Variants in BMP5 observed in about 807,000 individuals in gnomAD.
BMP5 encodes the protein bone morphogenetic protein 5.
Under a neutral mutation model 46.6 loss-of-function variants are expected in BMP5, and 23 were observed. The ratio of observed to expected loss-of-function variants is 0.49; its 90% CI spans 0.35 to 0.70. The LOEUF (loss-of-function observed/expected upper bound fraction) is 0.70, where lower values mean the gene tolerates loss of function less well. BMP5 is among the 30% of genes least tolerant of loss of function. BMP5 has a pLI of 0.00. For synonymous variants in BMP5, 204 were observed against 191.9 expected, an observed-to-expected ratio of 1.06 and a Z score of -0.52; for missense variants, 545 against 565.6, an observed-to-expected ratio of 0.96 and a Z score of 0.37.
chr6:55,788,713 T>C (rs895826455), intron 3 of BMP5, among the ~76,000 whole-genome samples: 2 of 151,896 alleles, frequency 1.3e-5, no homozygotes, highest in Non-Finnish European at 3.0e-5. Flanking sequence ...CTCATTTTAT[T>C]GATGCAATGC....
At chr6:55,762,837 T>C (rs769577840) in intron 4 of BMP5, among the ~76,000 whole-genome samples, 12 of 152,088 alleles carry the variant, frequency 7.9e-5, no homozygotes, top group Non-Finnish European at 1.6e-4. Flanking sequence ...TGATAGTAAA[T>C]ATGTTGGGCT....
chr6:55,782,289 A>G (rs1385615910), intron 3 of BMP5, among the ~76,000 whole-genome samples: 1 of 152,284 alleles, frequency 6.6e-6, no homozygotes, highest in East Asian at 1.9e-4. Context: ...GTAAATTTAA[A>G]AATGTGGAGT....
intron 1 of BMP5, among the ~76,000 whole-genome samples, chr6:55,825,627 A>G (rs576997972): frequency 6.6e-6 from 1 of 151,936 alleles, no homozygotes; most frequent in African/African-American, 2.4e-5. Flanking sequence ...CCTCCCAAGC[A>G]GATATCTCTC....
At chr6:55,812,785 AT>A (rs1776166149) in intron 2 of BMP5, among the ~76,000 whole-genome samples, 1 of 152,238 alleles carries the variant, frequency 6.6e-6, no homozygotes, top group South Asian at 2.1e-4. Flanking sequence ...TAAGAAGTAT[AT>A]GAAGCCACAA....
intron 1 of BMP5, among the ~76,000 whole-genome samples, chr6:55,834,531 T>C (rs970261386): frequency 2.0e-5 from 3 of 152,110 alleles, no homozygotes; most frequent in African/African-American, 7.2e-5. Context: ...TTTGTTTGTT[T>C]GTTTGTCTTT....
intron 3 of BMP5, among the ~76,000 whole-genome samples, chr6:55,784,654 T>A (rs1775404447): frequency 6.6e-6 from 1 of 151,776 alleles, no homozygotes; most frequent in Non-Finnish European, 1.5e-5. Flanking sequence ...AAAAGGTTGA[T>A]TTAGAAAATA....
chr6:55,808,937 A>G (rs978463685), intron 2 of BMP5, among the ~76,000 whole-genome samples: 35 of 152,192 alleles, frequency 2.3e-4, no homozygotes, highest in Non-Finnish European at 4.3e-4. Flanking sequence ...GATACTTTAA[A>G]GAGCCACACT....
In BMP5 at chr6:55,757,863, A is replaced by T. The variant is rs374264917; in HGVS notation, c.1215+1142T>A. Among the ~76,000 whole-genome samples, 5 of 151,944 alleles carry T rather than the reference A, an allele frequency of 3.3e-5. No individual in the cohort carries two copies. The East Asian group carries it at 5.8e-4, about 18-fold the overall frequency. On this transcript the variant is annotated intron_variant, in intron 6 of 6. Coordinates refer to ENST00000370830, the MANE Select transcript of BMP5 (RefSeq NM_021073.4). ...ATAGATTGCACTTTTTGGTGTCTAG[A>T]TATTCTGTCGTATTTTATTAAGTCA...
intron 2 of BMP5, among the ~76,000 whole-genome samples, chr6:55,819,124 A>G (rs767619681): frequency 6.6e-6 from 1 of 152,202 alleles, no homozygotes; most frequent in Non-Finnish European, 1.5e-5. Flanking sequence ...ATTTGCAGTC[A>G]TTATCAACTG....
At chr6:55,836,211 A>C (rs1429695201) in intron 1 of BMP5, among the ~76,000 whole-genome samples, 1 of 152,182 alleles carries the variant, frequency 6.6e-6, no homozygotes. Context: ...ATTGAGTACT[A>C]AAAACACATT....
At chr6:55,834,670 T>A (rs1420863665) in intron 1 of BMP5, among the ~76,000 whole-genome samples, 1 of 152,260 alleles carries the variant, frequency 6.6e-6, no homozygotes, top group Non-Finnish European at 1.5e-5. Flanking sequence ...CCCAAAAAAG[T>A]AAAACTCATA....
chr6:55,775,156 G>C (rs1463424395), intron 3 of BMP5, among the ~76,000 whole-genome samples: 2 of 151,958 alleles, frequency 1.3e-5, no homozygotes, highest in Admixed American at 1.3e-4. Context: ...ATAGGAGTGA[G>C]TTAAAAGTCA....
intron 5 of BMP5, among the ~76,000 whole-genome samples, chr6:55,759,667 T>C (rs1774717042): frequency 1.3e-5 from 2 of 151,868 alleles, no homozygotes; most frequent in African/African-American, 4.8e-5. Flanking sequence ...AACTTTATGG[T>C]CTCTTTAGAA....
intron 2 of BMP5, among the ~76,000 whole-genome samples, chr6:55,815,431 G>A (rs1183991464): frequency 6.6e-6 from 1 of 152,070 alleles, no homozygotes; most frequent in Admixed American, 6.6e-5. Flanking sequence ...TCATCCCAGA[G>A]TTTAAAATGG....
At chr6:55,840,519 C>T (rs1776922813) in intron 1 of BMP5, among the ~76,000 whole-genome samples, 1 of 152,052 alleles carries the variant, frequency 6.6e-6, no homozygotes, top group Non-Finnish European at 1.5e-5. Context: ...TTTCATGATA[C>T]TGATACTATT....
Position 55,794,307 on chromosome 6 carries a change from G to A in BMP5, c.804C>T (p.Gly268=). The change falls in exon 3 of 7, where the codon GGC becomes GGT. Residue 268 remains glycine, a synonymous_variant. Coordinates refer to ENST00000370830, the MANE Select transcript of BMP5 (RefSeq NM_021073.4). ...CCCCTGTTTCTGCACAGAGCTGTAA[G>A]CCCAAATTATTCTGGGGATTAATCA... ...HWVINPQNNL[G]LQLCAETGDG... is the part of the protein sequence containing the mutation. 6.2e-7 allele frequency: 1 copy of A among 1,614,002 alleles called. No homozygotes were observed. Among genetic ancestry groups the A allele is most frequent in the Non-Finnish European group, 8.5e-7 (1 of 1,179,934 alleles).
At chr6:55,846,571 C>A (rs1422426772) in intron 1 of BMP5, among the ~76,000 whole-genome samples, 1 of 151,890 alleles carries the variant, frequency 6.6e-6, no homozygotes, top group Non-Finnish European at 1.5e-5. Flanking sequence ...ATTAAACTTG[C>A]ACTCATATTC....
intron 1 of BMP5, among the ~76,000 whole-genome samples, chr6:55,847,396 C>T (rs534115265): frequency 1.3e-5 from 2 of 152,020 alleles, no homozygotes; most frequent in African/African-American, 4.8e-5. Flanking sequence ...GTCTTGAAAA[C>T]ATCAATACAA....
At position 55,819,765 on chromosome 6, in the gene BMP5, C is replaced by T. The variant is rs761272022; in HGVS notation, c.573G>A (p.Glu191=). The change falls in exon 2 of 7, where the codon GAG becomes GAA. Residue 191 remains glutamate, a synonymous_variant. Transcript: ENST00000370830. ...TCCGGAATTCAGCTGCTGTCACTGC[C>T]TCTCCATGAGGAATTTGGGTAAGAT... The part of the protein sequence containing the change: ...RFDLTQIPHG[E]AVTAAEFRIY... 6.2e-7 allele frequency: 1 copy of T among 1,613,716 alleles called. No individual in the cohort carries two copies. Among genetic ancestry groups the T allele is most frequent in the Non-Finnish European group, 8.5e-7 (1 of 1,179,786 alleles).
Sources: gnomAD v4.1 joint callset for allele counts (sites outside exome capture counted in the v4.1 genomes callset) on GRCh38, gnomAD v4.1.1 for gene constraint, MANE v1.5 for transcripts, NCBI Gene and HGNC (gene_info 2026-07-23, HGNC 2026-07-21) for gene names.